The following RREB1 variants were observed in gnomAD, a reference collection of about 807,000 sequenced individuals.
The protein encoded by RREB1 is ras-responsive element-binding protein 1.
In RREB1, 27 loss-of-function variants were observed where a neutral mutation model predicts 117.8. That is an observed-to-expected ratio of 0.23 (90% confidence interval 0.17 to 0.32). The LOEUF is 0.32. Ranked by LOEUF, RREB1 falls within the 10% of genes least tolerant of loss-of-function variation. The pLI, the probability that RREB1 is intolerant of heterozygous loss-of-function variation, is 1.00. For missense variants in RREB1, 2,577 were observed against 2,378.2 expected, an observed-to-expected ratio of 1.08 and a Z score of -1.74; for synonymous variants, 1,298 against 1,026.7, an observed-to-expected ratio of 1.26 and a Z score of -5.05.
At chr6:7,247,551 A>G (rs1210155194) in intron 12 of RREB1, among the ~76,000 whole-genome samples, 1 of 151,996 alleles carries the variant, frequency 6.6e-6, no homozygotes, top group Non-Finnish European at 1.5e-5. Flanking sequence ...TATCTAGGAG[A>G]GGGTGCTTGT....
At chr6:7,165,256 TTC>T (rs1763872702) in intron 1 of RREB1, among the ~76,000 whole-genome samples, 2 of 152,170 alleles carry the variant, frequency 1.3e-5, no homozygotes, top group Admixed American at 6.5e-5. Context: ...AGCCCTTGCC[TTC>T]GTGTGGTCAG....
At chr6:7,116,446 T>G (rs1315890938) in intron 1 of RREB1, among the ~76,000 whole-genome samples, 1 of 152,264 alleles carries the variant, frequency 6.6e-6, no homozygotes, top group African/African-American at 2.4e-5. Context: ...AAGTCTTGTC[T>G]GTTGTAATTT....
intron 6 of RREB1, among the ~76,000 whole-genome samples, chr6:7,202,950 A>G (rs569331945): frequency 1.3e-5 from 2 of 152,260 alleles, no homozygotes; most frequent in Middle Eastern, 3.4e-3. Flanking sequence ...ACATATTACT[A>G]TGTATTTTTG....
At chr6:7,123,212 C>T (rs1761752386) in intron 1 of RREB1, among the ~76,000 whole-genome samples, 1 of 151,508 alleles carries the variant, frequency 6.6e-6, no homozygotes, top group African/African-American at 2.4e-5. Context: ...GGCTGGAGTA[C>T]AATGGTGCAA....
At position 7,230,596 on chromosome 6, in the gene RREB1, C is replaced by CCCGCAGAGGCGCCGG. The variant is rs1406953692; in HGVS notation, c.2502_2516dup (p.Pro837_Ala841dup). On this transcript the variant is annotated inframe_insertion, in exon 10 of 13. Coordinates refer to ENST00000379938, the MANE Select transcript of RREB1 (RefSeq NM_001003699.4). ...CGTGCTGGCCGCCGACGGCCTGGGCCCCGCAGAGGCGCCGGCCGCTGAGGC... is the reference window on the plus strand; with the variant it reads ...CGTGCTGGCCGCCGACGGCCTGGGCCCCGCAGAGGCGCCGGCCGCAGAGGCGCCGGCCGCTGAGGC... 6.2e-7 allele frequency: 1 copy of CCCGCAGAGGCGCCGG among 1,603,466 alleles called. No homozygotes were observed. The highest frequency in any genetic ancestry group is 8.5e-7 in the Non-Finnish European group (1 of 1,175,520).
Position 7,231,012 on chromosome 6 carries a change from C to G in RREB1, c.2913C>G (p.Pro971=). ...EEAGSSEQPS[P]CPAPGPSLPV... ...CGGGGAGCAGCGAGCAGCCCTCTCC[C>G]TGCCCAGCACCCGGCCCTTCTCTTC... is the stretch of plus-strand genomic sequence containing the variant. Residue 971 remains proline, a synonymous_variant, in exon 10 of 13, where the codon CCC becomes CCG. Coordinates refer to ENST00000379938, the MANE Select transcript of RREB1 (RefSeq NM_001003699.4). 1 of 1,614,168 alleles carries G rather than the reference C, an allele frequency of 6.2e-7. No homozygotes were observed. The highest frequency in any genetic ancestry group is 8.5e-7 in the Non-Finnish European group (1 of 1,180,040).
At chr6:7,248,317 C>A (rs1017496492) in intron 12 of RREB1, among the ~76,000 whole-genome samples, 194 bp from the exon 13 acceptor site, 3 of 152,196 alleles carry the variant, frequency 2.0e-5, no homozygotes, top group African/African-American at 7.2e-5. Flanking sequence ...AGGTCTCAGA[C>A]TGACAGCTTG....
rs774334753 is a variant in RREB1 at position 7,211,661 on chromosome 6, A to G, written c.659A>G (p.Lys220Arg). ...CPVCFKEFVCKYGLETHMETH... is the reference protein window; with the variant it reads ...CPVCFKEFVCRYGLETHMETH... ...GTATGTTTCAAGGAGTTTGTTTGCA[A>G]GTATGGACTGGAGACCCACATGGAG... The change falls in exon 8 of 13, where the codon AAG (lysine) becomes AGG (arginine). Residue 220 changes from lysine (K) to arginine (R), a missense_variant. Physicochemically the swap from Lys to Arg is conservative, Grantham distance 26 (BLOSUM62 2). Coordinates refer to ENST00000379938, the MANE Select transcript of RREB1 (RefSeq NM_001003699.4). 6 of 1,614,004 alleles carry G rather than the reference A, an allele frequency of 3.7e-6. No homozygotes were observed. Among genetic ancestry groups the G allele is most frequent in the Non-Finnish European group, 4.2e-6 (5 of 1,179,968 alleles).
At chr6:7,171,472 C>T (rs758244854) in intron 1 of RREB1, among the ~76,000 whole-genome samples, 3 of 152,206 alleles carry the variant, frequency 2.0e-5, no homozygotes, top group Non-Finnish European at 4.4e-5. Context: ...AGGAGTCGCA[C>T]ACTTTTCCAA....
intron 8 of RREB1, chr6:7,217,367 G>C (rs545458269): frequency 1.6e-4 from 25 of 152,390 alleles, no homozygotes; most frequent in Admixed American, 1.5e-3. Context: ...TGGTCAAGCT[G>C]AGTGGCAGCT....
At chr6:7,113,027 G>C in intron 1 of RREB1, among the ~76,000 whole-genome samples, 1 of 152,366 alleles carries the variant, frequency 6.6e-6, no homozygotes. Flanking sequence ...AGAGGTGGCT[G>C]ACTGTGAGTA....
rs1375538915 is a variant in RREB1, at chr6:7,231,310, A to G, written c.3211A>G (p.Ile1071Val). The G allele has an allele frequency of 1.4e-5, 23 of 1,607,580 alleles. No homozygotes were observed. Among genetic ancestry groups the G allele is most frequent in the Non-Finnish European group, 2.0e-5 (23 of 1,176,228 alleles). The change falls in exon 10 of 13, where the codon ATC (isoleucine) becomes GTC (valine). Residue 1071 changes from isoleucine (I) to valine (V), a missense_variant. Transcript: ENST00000379938. ...ELPPLASIAQ[I>V]ISSVSSAPTL... The stretch of plus-strand genomic sequence containing the variant: ...GCCCCCGCTGGCCTCCATTGCCCAG[A>G]TCATCTCATCTGTATCCTCGGCCCC...
chr6:7,114,583 G>A (rs182024842), intron 1 of RREB1, among the ~76,000 whole-genome samples: 10 of 152,280 alleles, frequency 6.6e-5, no homozygotes, highest in African/African-American at 1.7e-4. Context: ...CAGAGCTGAG[G>A]TTGAGAAAGC....
At chr6:7,185,502 G>A (rs969858270) in intron 4 of RREB1, among the ~76,000 whole-genome samples, 1 of 152,188 alleles carries the variant, frequency 6.6e-6, no homozygotes, top group East Asian at 1.9e-4. Context: ...CCCGGGAGGC[G>A]GAGGTTGCAG....
At chr6:7,239,293 A>C (rs2714336) in intron 10 of RREB1, among the ~76,000 whole-genome samples, 2,075 of 152,334 alleles carry the variant, frequency 0.014, 49 homozygotes, top group African/African-American at 0.047. Context: ...CTGTAACATT[A>C]GCAACTGGGA....
At chr6:7,197,872 G>T (rs149567984) in intron 6 of RREB1, among the ~76,000 whole-genome samples, 252 of 152,274 alleles carry the variant, frequency 1.7e-3, no homozygotes, top group Non-Finnish European at 2.6e-3. Context: ...TATTAGCTGC[G>T]CAGAAATGTG....
chr6:7,153,279 C>A (rs565286884), intron 1 of RREB1, among the ~76,000 whole-genome samples: 1 of 151,680 alleles, frequency 6.6e-6, no homozygotes, highest in East Asian at 1.9e-4. Context: ...AATTCTGATG[C>A]CCTTAAAGAG....
intron 11 of RREB1, among the ~76,000 whole-genome samples, chr6:7,241,332 G>A (rs1026926807): frequency 6.6e-6 from 1 of 152,060 alleles, no homozygotes; most frequent in African/African-American, 2.4e-5. Context: ...GACTGCTGGG[G>A]TTCTCCATCC....
chr6:7,110,479 GGTGTGTGTGT>G (rs111267508), intron 1 of RREB1, among the ~76,000 whole-genome samples: 1 of 149,520 alleles, frequency 6.7e-6, no homozygotes, highest in Non-Finnish European at 1.5e-5. Context: ...TTTTAGGGGT[GGTGTGTGTGT>G]GTGTGTGTAT....
Sources: allele counts gnomAD v4.1 joint callset (sites outside exome capture counted in the v4.1 genomes callset), GRCh38; gene constraint gnomAD v4.1.1; transcripts MANE v1.5; gene names NCBI Gene and HGNC (gene_info 2026-07-23, HGNC 2026-07-21).